Variants in CTSO observed in about 807,000 individuals in gnomAD.
The protein encoded by CTSO is cathepsin O.
In CTSO, 40 loss-of-function variants were observed where a neutral mutation model predicts 42.4. The ratio of observed to expected loss-of-function variants is 0.94; its 90% CI spans 0.73 to 1.23. The LOEUF is 1.23. Ranked by LOEUF, CTSO falls within the 50% of genes most tolerant of loss-of-function variation. The pLI is 0.00. For missense variants in CTSO, 441 were observed against 396.0 expected (o/e 1.11, Z -0.96); for synonymous variants, 156 against 146.2 (o/e 1.07, Z -0.48).
At chr4:155,950,225 A>G (rs749315806) in intron 1 of CTSO, among the ~76,000 whole-genome samples, 7 of 152,238 alleles carry the variant, frequency 4.6e-5, no homozygotes, top group Admixed American at 2.6e-4. Flanking sequence ...TCTCCAGTGT[A>G]TAAGTCTTTA....
chr4:155,949,250 A>T (rs75184828), intron 1 of CTSO, among the ~76,000 whole-genome samples: 2,202 of 152,314 alleles, frequency 0.014, 27 homozygotes, highest in South Asian at 0.026. Flanking sequence ...TCACACAACT[A>T]GTATTTGGTG....
At chr4:155,947,408 T>C (rs938604352) in intron 1 of CTSO, among the ~76,000 whole-genome samples, 1 of 152,192 alleles carries the variant, frequency 6.6e-6, no homozygotes, top group African/African-American at 2.4e-5. Flanking sequence ...ATTATAGAAA[T>C]GGCGCTCAAA....
At chr4:155,927,954 A>G (rs1034072016) in intron 7 of CTSO, among the ~76,000 whole-genome samples, 4 of 152,136 alleles carry the variant, frequency 2.6e-5, no homozygotes, top group African/African-American at 9.7e-5. Flanking sequence ...ATAATCATTG[A>G]GCAGATATTA....
At chr4:155,950,252 A>T in intron 1 of CTSO, among the ~76,000 whole-genome samples, 1 of 152,198 alleles carries the variant, frequency 6.6e-6, no homozygotes, top group Admixed American at 6.5e-5. Flanking sequence ...TTTTATTTAC[A>T]GGAAAATGTT....
chr4:155,953,797 G>GCACAGCAGCCACAGCAGC lies in CTSO; in HGVS notation c.33_50dup (p.Trp11_Leu16dup). 1 of 1,351,256 alleles carries GCACAGCAGCCACAGCAGC rather than the reference G, an allele frequency of 7.4e-7. No individual in the cohort carries two copies. The allele number at this position is 1,351,256 out of a possible 1,614,324, so 83.7% of individuals were successfully genotyped here. The stretch of plus-strand genomic sequence containing the variant: ...GGGAGTCCGCATCGCCGCCGCCCCG[G>GCACAGCAGCCACAGCAGC]CACAGCAGCCACAGCAGCCACGGCA... On this transcript the variant is annotated inframe_insertion, in exon 1 of 8. Coordinates refer to ENST00000433477, the MANE Select transcript of CTSO (RefSeq NM_001334.3).
chr4:155,932,518 A>G (rs776528665), intron 5 of CTSO, among the ~76,000 whole-genome samples: 1 of 152,074 alleles, frequency 6.6e-6, no homozygotes, highest in Non-Finnish European at 1.5e-5. Flanking sequence ...CACTCACCCA[A>G]CTTGCAACAA....
chr4:155,953,757 G>T lies in CTSO; in HGVS notation c.91C>A (p.Pro31Thr). 2 of 1,316,606 alleles carry T rather than the reference G, an allele frequency of 1.5e-6. No homozygotes were observed. The highest frequency in any genetic ancestry group is 9.7e-7 in the Non-Finnish European group (1 of 1,032,054). The allele number at this position is 1,316,606 out of a possible 1,614,324, so 81.6% of individuals were successfully genotyped here. ...GDADSRAPFT[P>T]TWPRSREREA... ...CGCTCGCGGCTCCGCGGCCAGGTCG[G>T]GGTGAAGGGGGCGCGGGAGTCCGCA... The change falls in exon 1 of 8, where the codon CCG becomes ACG. Residue 31 changes from proline to threonine, a missense_variant. Pro to Thr is a conservative substitution (Grantham distance 38). Transcript: ENST00000433477.
chr4:155,941,913 CT>C (rs1178326976), intron 3 of CTSO, among the ~76,000 whole-genome samples: 1 of 151,646 alleles, frequency 6.6e-6, no homozygotes, highest in Non-Finnish European at 1.5e-5. Context: ...TACTTTTTCA[CT>C]TTTTTTTTCT....
chr4:155,940,255 A>C (rs1743405041), intron 3 of CTSO, among the ~76,000 whole-genome samples: 1 of 152,164 alleles, frequency 6.6e-6, no homozygotes, highest in Non-Finnish European at 1.5e-5. Context: ...TGAAAGAAAG[A>C]GAGGAGACAG....
intron 3 of CTSO, 36 bp from the exon 4 acceptor site, chr4:155,939,574 G>A (rs1343427279): frequency 6.4e-7 from 1 of 1,558,504 alleles, no homozygotes; most frequent in Non-Finnish European, 8.7e-7. Flanking sequence ...GTATTTCCAG[G>A]GTTTAAATCA....
At chr4:155,933,252 A>G (rs1252638902) in intron 5 of CTSO, among the ~76,000 whole-genome samples, 6 of 152,048 alleles carry the variant, frequency 3.9e-5, no homozygotes, top group African/African-American at 1.4e-4. Flanking sequence ...AGATCTGATG[A>G]TTTTATCAGG....
At chr4:155,943,688 G>A (rs1023629381) in intron 1 of CTSO, among the ~76,000 whole-genome samples, 7 of 152,044 alleles carry the variant, frequency 4.6e-5, no homozygotes, top group African/African-American at 9.7e-5. Flanking sequence ...TGTGTTTCCC[G>A]GAACTAAGTA....
At chr4:155,949,472 A>T (rs549933523) in intron 1 of CTSO, among the ~76,000 whole-genome samples, 1 of 152,244 alleles carries the variant, frequency 6.6e-6, no homozygotes, top group African/African-American at 2.4e-5. Flanking sequence ...CCATGTATCC[A>T]TGGGATAAGT....
chr4:155,926,200 C>A (rs1743127136), intron 7 of CTSO, 130 bp from the exon 8 acceptor site: 1 of 617,392 alleles, frequency 1.6e-6, no homozygotes, highest in African/African-American at 1.9e-5. Flanking sequence ...CTTATCACAG[C>A]TTGTCAATGT....
At chr4:155,931,285 T>C (rs1334072386) in intron 5 of CTSO, among the ~76,000 whole-genome samples, 1 of 152,042 alleles carries the variant, frequency 6.6e-6, no homozygotes, top group Admixed American at 6.6e-5. Flanking sequence ...AACACAGCCG[T>C]CTCCATCAAT....
intron 5 of CTSO, among the ~76,000 whole-genome samples, chr4:155,936,268 C>T (rs894066391): frequency 2.0e-5 from 3 of 150,892 alleles, no homozygotes; most frequent in African/African-American, 7.3e-5. Context: ...TGGTGTCACC[C>T]TGAGGACCCT....
chr4:155,944,281 AT>A (rs1016872359), intron 1 of CTSO, among the ~76,000 whole-genome samples: 3 of 152,058 alleles, frequency 2.0e-5, no homozygotes, highest in African/African-American at 7.2e-5. Context: ...TCATAATCTT[AT>A]TTTTTTTCCT....
intron 6 of CTSO, 133 bp downstream of exon 6, chr4:155,929,409 G>A (rs1257038359): frequency 4.8e-6 from 4 of 836,088 alleles, no homozygotes; most frequent in African/African-American, 3.5e-5. Flanking sequence ...CTATAAGATT[G>A]TTGAGAAGTT....
chr4:155,943,203 A>C lies in CTSO; in HGVS notation c.197T>G (p.Phe66Cys). ...SLFPSENSTA[F>C]YGINQFSYLF... ...ATAGGAAAACTGATTTATTCCATAGAAGGCGGTGGAGTTTTCACTGGGAAA... is the reference window on the plus strand; with the variant it reads ...ATAGGAAAACTGATTTATTCCATAGCAGGCGGTGGAGTTTTCACTGGGAAA... The change falls in exon 2 of 8, where the codon TTC becomes TGC. Residue 66 changes from phenylalanine to cysteine, a missense_variant. Physicochemically the swap from Phe to Cys is radical, Grantham distance 205. Coordinates refer to ENST00000433477, the MANE Select transcript of CTSO (RefSeq NM_001334.3). 1 of 1,612,520 alleles carries C rather than the reference A, an allele frequency of 6.2e-7. No individual in the cohort carries two copies. The highest frequency in any genetic ancestry group is 1.1e-5 in the South Asian group (1 of 90,944).
Sources: gnomAD v4.1 joint callset for allele counts (sites outside exome capture counted in the v4.1 genomes callset) on GRCh38, gnomAD v4.1.1 for gene constraint, MANE v1.5 for transcripts, NCBI Gene and HGNC (gene_info 2026-07-23, HGNC 2026-07-21) for gene names.